The following TAFA2 variants were observed in gnomAD, a reference collection of about 807,000 sequenced individuals.
TAFA2 encodes the protein TAFA chemokine like family member 2, also known as chemokine-like protein TAFA-2.
A neutral mutation model predicts 18.8 loss-of-function variants in TAFA2; 7 were observed. The ratio of observed to expected loss-of-function variants is 0.37; its 90% CI spans 0.21 to 0.70. The LOEUF is 0.70. TAFA2 is among the 30% of genes least tolerant of loss of function. The probability of loss-of-function intolerance (pLI) is 0.53; values close to 1 mark genes in which losing one functional copy is unlikely to be tolerated. For missense variants in TAFA2, 122 were observed against 158.1 expected (o/e 0.77, Z 1.23); for synonymous variants, 60 against 54.2 (o/e 1.11, Z -0.47).
chr12:61,921,342 G>T (rs1218078525), intron 1 of TAFA2, among the ~76,000 whole-genome samples: 2 of 152,168 alleles, frequency 1.3e-5, no homozygotes, highest in Non-Finnish European at 1.5e-5. Context: ...GTGATGAGAA[G>T]TGTCCACTTA....
chr12:61,871,039 CA>C (rs1874579844), intron 1 of TAFA2, among the ~76,000 whole-genome samples: 1 of 151,986 alleles, frequency 6.6e-6, no homozygotes, highest in Admixed American at 6.6e-5. Context: ...AAATATATTG[CA>C]TAGTGGTTAA....
At chr12:61,730,954 G>A (rs1341859593) in intron 4 of TAFA2, among the ~76,000 whole-genome samples, 1 of 151,946 alleles carries the variant, frequency 6.6e-6, no homozygotes, top group African/African-American at 2.4e-5. Context: ...TTCTGCCCAG[G>A]AAATTAGCAC....
chr12:62,180,320 T>A (rs757263053), intron 1 of TAFA2, among the ~76,000 whole-genome samples: 9 of 152,178 alleles, frequency 5.9e-5, no homozygotes, highest in African/African-American at 2.2e-4. Context: ...CAAGTCTGAG[T>A]GTTTTGGGAC....
In TAFA2 at chr12:61,937,434, A is replaced by G. The variant is rs115678497; in HGVS notation, c.-1-70008T>C. Among the ~76,000 whole-genome samples the G allele has an allele frequency of 2.9e-3, 446 of 152,354 alleles. 2 individuals carry two copies. The highest frequency in any genetic ancestry group is 9.9e-3 in the African/African-American group (413 of 41,582). On this transcript the variant is annotated intron_variant, in intron 1 of 4. Transcript: ENST00000416284. ...ACAAGGCTACAGTTACCAAAACAGT[A>G]TAACACTGGTATAAAAGTGGACACA...
chr12:61,922,430 G>C (rs1454745814), intron 1 of TAFA2, among the ~76,000 whole-genome samples: 1 of 152,124 alleles, frequency 6.6e-6, no homozygotes, highest in Non-Finnish European at 1.5e-5. Context: ...TGGTTAAAAA[G>C]TGGGTGCAGC....
At chr12:62,133,718 A>G (rs542192409) in intron 1 of TAFA2, among the ~76,000 whole-genome samples, 1 of 152,194 alleles carries the variant, frequency 6.6e-6, no homozygotes, top group East Asian at 1.9e-4. Context: ...GAACTTGAAT[A>G]CCTGGTTTAA....
At chr12:62,245,856 A>G (rs1176376627) in intron 1 of TAFA2, among the ~76,000 whole-genome samples, 2 of 149,926 alleles carry the variant, frequency 1.3e-5, no homozygotes, top group East Asian at 3.9e-4. Context: ...TCTGTAGCTT[A>G]TTCTGTTGTA....
chr12:61,767,322 A>G (rs1869832285), intron 2 of TAFA2, among the ~76,000 whole-genome samples: 1 of 152,088 alleles, frequency 6.6e-6, no homozygotes, highest in African/African-American at 2.4e-5. Context: ...TCCAACTCCA[A>G]AAATGTATTG....
At chr12:62,257,170 G>GTATA (rs373610382) in intron 1 of TAFA2, among the ~76,000 whole-genome samples, 1,258 of 66,580 alleles carry the variant, frequency 0.019, 30 homozygotes, top group African/African-American at 0.065. Context: ...ATATGTGTGT[G>GTATA]TGTGTGTGTG....
intron 1 of TAFA2, among the ~76,000 whole-genome samples, chr12:62,144,252 A>T (rs925714577): frequency 6.6e-5 from 10 of 152,122 alleles, no homozygotes; most frequent in African/African-American, 1.9e-4. Flanking sequence ...CTCCTGTAAG[A>T]AACATCTCTG....
intron 1 of TAFA2, among the ~76,000 whole-genome samples, chr12:62,006,711 G>C: frequency 6.6e-6 from 1 of 152,098 alleles, no homozygotes; most frequent in Non-Finnish European, 1.5e-5. Flanking sequence ...TCAATTGCAA[G>C]CACTGACATT....
chr12:61,733,347 C>A (rs1868253764), intron 4 of TAFA2, among the ~76,000 whole-genome samples: 1 of 152,056 alleles, frequency 6.6e-6, no homozygotes, highest in African/African-American at 2.4e-5. Context: ...AGTCCTTGCC[C>A]ATGCCTATGT....
intron 1 of TAFA2, among the ~76,000 whole-genome samples, chr12:62,179,204 C>T (rs1321811373): frequency 6.6e-6 from 1 of 151,986 alleles, no homozygotes; most frequent in Non-Finnish European, 1.5e-5. Context: ...TATTAAATGC[C>T]TTATTAAAGG....
intron 1 of TAFA2, among the ~76,000 whole-genome samples, chr12:61,911,553 G>A (rs1037069407): frequency 2.0e-5 from 3 of 152,114 alleles, no homozygotes; most frequent in African/African-American, 7.2e-5. Context: ...TCAGGCTGAG[G>A]AACAGGCACT....
chr12:61,914,628 C>T lies in TAFA2; in HGVS notation c.-1-47202G>A, dbSNP rs540588223. Among the ~76,000 whole-genome samples, 8 of 152,244 alleles carry T rather than the reference C, an allele frequency of 5.3e-5. No individual in the cohort carries two copies. The East Asian group carries it at 1.4e-3, about 26-fold the overall frequency. ...CTTCAGAAGAGAGTTCCAAAAATTA[C>T]TCTCATTGCTAGATAGTAGTACCTG... On this transcript the variant is annotated intron_variant, in intron 1 of 4. Coordinates refer to ENST00000416284, the MANE Select transcript of TAFA2 (RefSeq NM_178539.5).
intron 2 of TAFA2, among the ~76,000 whole-genome samples, chr12:61,769,742 A>T (rs1289858255): frequency 6.6e-6 from 1 of 152,132 alleles, no homozygotes; most frequent in Non-Finnish European, 1.5e-5. Flanking sequence ...TCTGATCAGC[A>T]GCCCCTGAGT....
At chr12:61,782,437 C>T (rs550606368) in intron 2 of TAFA2, among the ~76,000 whole-genome samples, 57 of 151,866 alleles carry the variant, frequency 3.8e-4, no homozygotes, top group Non-Finnish European at 2.1e-4. Flanking sequence ...ATCTTTGAAT[C>T]TGCCCATGAC....
intron 1 of TAFA2, among the ~76,000 whole-genome samples, chr12:61,930,697 T>C (rs1232845066): frequency 6.6e-6 from 1 of 152,228 alleles, no homozygotes; most frequent in Non-Finnish European, 1.5e-5. Context: ...CCCAACAGAC[T>C]TACTTCCACG....
chr12:61,849,381 A>G (rs1873547171), intron 2 of TAFA2, among the ~76,000 whole-genome samples: 1 of 152,190 alleles, frequency 6.6e-6, no homozygotes, highest in African/African-American at 2.4e-5. Context: ...CTCATAATGA[A>G]CTTACAAACT....
Sources: gnomAD v4.1 joint callset for allele counts (sites outside exome capture counted in the v4.1 genomes callset) on GRCh38, gnomAD v4.1.1 for gene constraint, MANE v1.5 for transcripts, NCBI Gene and HGNC (gene_info 2026-07-23, HGNC 2026-07-21) for gene names.